The following SNTG1 variants were observed in gnomAD, a reference collection of about 807,000 sequenced individuals.
SNTG1 encodes syntrophin gamma 1.
In SNTG1, 39 loss-of-function variants were observed where a neutral mutation model predicts 74.7. The observed-to-expected ratio is 0.52, with a 90% confidence interval of 0.40 to 0.68. The LOEUF is 0.68. Ranked by LOEUF, SNTG1 falls within the 30% of genes least tolerant of loss-of-function variation. The probability of loss-of-function intolerance (pLI) is 0.00; values close to 1 mark genes in which losing one functional copy is unlikely to be tolerated. For synonymous variants in SNTG1, 254 were observed against 217.1 expected (o/e 1.17, Z -1.49); for missense variants, 685 against 609.5 (o/e 1.12, Z -1.30).
chr8:50,667,272 A>C (rs2095255244), intron 15 of SNTG1, among the ~76,000 whole-genome samples: 1 of 152,092 alleles, frequency 6.6e-6, no homozygotes, highest in Admixed American at 6.6e-5. Flanking sequence ...AGTAGAAACT[A>C]TTGTAAGAAC....
At chr8:50,284,443 T>A (rs2088647515) in intron 2 of SNTG1, among the ~76,000 whole-genome samples, 1 of 152,140 alleles carries the variant, frequency 6.6e-6, no homozygotes, top group African/African-American at 2.4e-5. Context: ...CTGTCTTATT[T>A]CATTGTTCAA....
chr8:50,541,113 T>C (rs1466926764), intron 11 of SNTG1, among the ~76,000 whole-genome samples: 1 of 152,126 alleles, frequency 6.6e-6, no homozygotes, highest in Non-Finnish European at 1.5e-5. Context: ...AAATTGAATA[T>C]TCACGTGCAC....
Position 50,215,614 on chromosome 8 carries a change from G to A in SNTG1, c.-28+42979G>A, listed in dbSNP as rs1027442619. Among the ~76,000 whole-genome samples, 6 of 151,478 alleles carry A rather than the reference G, an allele frequency of 4.0e-5. No individual in the cohort carries two copies. In the South Asian group the frequency reaches 1.2e-3, roughly 32 times the overall value. On this transcript the variant is annotated intron_variant, in intron 2 of 18. Coordinates refer to ENST00000642720, the MANE Select transcript of SNTG1 (RefSeq NM_018967.5). ...TTTATAACAAAGGTGATAAATTATAGCTTAATTTAAAAAATAATTTTAAAA... is the reference window on the plus strand; with the variant it reads ...TTTATAACAAAGGTGATAAATTATAACTTAATTTAAAAAATAATTTTAAAA...
At chr8:50,252,371 A>T (rs567939021) in intron 2 of SNTG1, among the ~76,000 whole-genome samples, 4 of 152,306 alleles carry the variant, frequency 2.6e-5, no homozygotes, top group Admixed American at 1.3e-4. Context: ...AGACCTAAAT[A>T]AACAAAATAG....
intron 18 of SNTG1, among the ~76,000 whole-genome samples, chr8:50,763,110 TCA>T (rs2095603674): frequency 6.6e-6 from 1 of 151,714 alleles, no homozygotes; most frequent in Admixed American, 6.6e-5. Context: ...AGGTTTTTAC[TCA>T]GTGATTTCTG....
chr8:50,428,640 A>G (rs1308030669), intron 4 of SNTG1, among the ~76,000 whole-genome samples: 2 of 152,156 alleles, frequency 1.3e-5, no homozygotes, highest in African/African-American at 4.8e-5. Context: ...CTTTTTCACC[A>G]CTACACCTGT....
At chr8:50,528,745 T>C (rs2094242168) in intron 9 of SNTG1, among the ~76,000 whole-genome samples, 1 of 151,798 alleles carries the variant, frequency 6.6e-6, no homozygotes, top group South Asian at 2.1e-4. Context: ...TAGCTCTCAG[T>C]AATGACCCCT....
In SNTG1 at chr8:50,795,427, C is replaced by G. The variant is rs577242752; in HGVS notation, c.*2598C>G. On this transcript the variant is annotated 3_prime_UTR_variant, in exon 19 of 19. Transcript: ENST00000642720. Reference sequence around the variant, plus strand: ...CAAAAACACTTAAAAATTTCTATCTCTCATATAATTTAGGTTTACATGTAA... The same window carrying G: ...CAAAAACACTTAAAAATTTCTATCTGTCATATAATTTAGGTTTACATGTAA... 5.3e-5 allele frequency: 8 copies of G among 152,142 alleles called. No individual in the cohort carries two copies. The highest frequency in any genetic ancestry group is 6.8e-3 in the Middle Eastern group (2 of 294). 9.4% of individuals were successfully genotyped at this position (152,142 alleles called of 1,614,324 possible).
At chr8:50,437,049 A>G (rs1427745480) in intron 4 of SNTG1, among the ~76,000 whole-genome samples, 2 of 152,204 alleles carry the variant, frequency 1.3e-5, no homozygotes, top group Non-Finnish European at 2.9e-5. Flanking sequence ...ATAAATTGTT[A>G]TACACATAGA....
At chr8:50,369,315 G>A (rs1218038635) in intron 2 of SNTG1, among the ~76,000 whole-genome samples, 2 of 152,174 alleles carry the variant, frequency 1.3e-5, no homozygotes, top group African/African-American at 4.8e-5. Context: ...AAGAAAAAGA[G>A]GCTGGGCACG....
intron 10 of SNTG1, among the ~76,000 whole-genome samples, chr8:50,533,552 G>A (rs1470793948): frequency 1.3e-5 from 2 of 151,736 alleles, no homozygotes; most frequent in Non-Finnish European, 2.9e-5. Flanking sequence ...TATCTTTTAT[G>A]CAAAAATAAA....
intron 17 of SNTG1, among the ~76,000 whole-genome samples, chr8:50,742,888 TA>T (rs1206678177): frequency 1.3e-5 from 2 of 151,852 alleles, no homozygotes; most frequent in African/African-American, 4.8e-5. Context: ...GAGACAATTT[TA>T]TGAGCAATTG....
At chr8:50,791,183 A>G (rs1457484698) in intron 18 of SNTG1, among the ~76,000 whole-genome samples, 1 of 151,910 alleles carries the variant, frequency 6.6e-6, no homozygotes, top group East Asian at 1.9e-4. Context: ...GAGGATTTCC[A>G]GGGTGAGTTA....
chr8:49,967,908 G>T (rs1233287244), intron 1 of SNTG1, among the ~76,000 whole-genome samples: 1 of 152,148 alleles, frequency 6.6e-6, no homozygotes, highest in Non-Finnish European at 1.5e-5. Context: ...CTTTACAGCA[G>T]CTTCCTCCCT....
chr8:50,766,198 G>T (rs1044552281), intron 18 of SNTG1, among the ~76,000 whole-genome samples: 1 of 151,850 alleles, frequency 6.6e-6, no homozygotes, highest in East Asian at 1.9e-4. Context: ...TTTTCATCCC[G>T]AAAATATTGA....
intron 1 of SNTG1, among the ~76,000 whole-genome samples, chr8:50,130,908 C>G (rs1332755233): frequency 6.6e-6 from 1 of 152,020 alleles, no homozygotes; most frequent in Non-Finnish European, 1.5e-5. Flanking sequence ...CATTTGAGCT[C>G]TTTGTTCTGT....
intron 1 of SNTG1, among the ~76,000 whole-genome samples, chr8:50,064,919 C>G (rs1469680300): frequency 6.6e-6 from 1 of 152,162 alleles, no homozygotes; most frequent in African/African-American, 2.4e-5. Flanking sequence ...CATACAGTAT[C>G]TTACATTTAT....
intron 2 of SNTG1, among the ~76,000 whole-genome samples, chr8:50,219,799 A>G (rs2084970547): frequency 6.6e-6 from 1 of 152,166 alleles, no homozygotes; most frequent in Non-Finnish European, 1.5e-5. Context: ...ACAAATCCAA[A>G]CCACATCAAC....
At chr8:50,390,145 T>C (rs2092635698) in intron 2 of SNTG1, among the ~76,000 whole-genome samples, 2 of 151,818 alleles carry the variant, frequency 1.3e-5, no homozygotes. Flanking sequence ...GTTTTAGATA[T>C]GAAGTCCTTG....
Sources: allele counts gnomAD v4.1 joint callset (sites outside exome capture counted in the v4.1 genomes callset), GRCh38; gene constraint gnomAD v4.1.1; transcripts MANE v1.5; gene names NCBI Gene and HGNC (gene_info 2026-07-23, HGNC 2026-07-21).